The following ZC3H3 variants were observed in gnomAD, a reference collection of about 807,000 sequenced individuals.
ZC3H3 encodes zinc finger CCCH domain-containing protein 3.
Under a neutral mutation model 77.3 loss-of-function variants are expected in ZC3H3, and 36 were observed. The ratio of observed to expected loss-of-function variants is 0.47; its 90% CI spans 0.36 to 0.61. The LOEUF (loss-of-function observed/expected upper bound fraction) is 0.61, where lower values mean the gene tolerates loss of function less well. Among genes scored for constraint, ZC3H3 ranks in the 20% least tolerant of loss-of-function variants. The pLI, the probability that ZC3H3 is intolerant of heterozygous loss-of-function variation, is 0.00. For missense variants in ZC3H3, 1,331 were observed against 1,312.2 expected (o/e 1.01, Z -0.22); for synonymous variants, 626 against 555.2 (o/e 1.13, Z -1.79).
At position 143,536,385 on chromosome 8, in the gene ZC3H3, C is replaced by T. The variant is rs745783254; in HGVS notation, c.1433G>A (p.Arg478Gln). Residue 478 changes from arginine (R) to glutamine (Q), a missense_variant, in exon 3 of 12, where the codon CGG becomes CAG. Physicochemically the swap from Arg to Gln is conservative, Grantham distance 43 (BLOSUM62 1). Coordinates refer to ENST00000262577, the MANE Select transcript of ZC3H3 (RefSeq NM_015117.3). ...ATAKSHLSLR[R>Q]RQALRGKSSP... ...GCTCTTCCCCCTGAGGGCCTGTCTC[C>T]GCCGGAGGCTGAGGTGGCTCTTGGC... 1.0e-5 allele frequency: 16 copies of T among 1,583,942 alleles called. No individual in the cohort carries two copies. Among genetic ancestry groups the T allele is most frequent in the African/African-American group, 2.7e-5 (2 of 74,348 alleles).
chr8:143,476,121 C>T (rs1020980666), intron 4 of ZC3H3, among the ~76,000 whole-genome samples: 1 of 152,144 alleles, frequency 6.6e-6, no homozygotes, highest in Non-Finnish European at 1.5e-5. Flanking sequence ...TTCTACCAAC[C>T]GGCCCCAGCA....
At chr8:143,472,510 G>A (rs372814597) in intron 5 of ZC3H3, among the ~76,000 whole-genome samples, 13 of 152,150 alleles carry the variant, frequency 8.5e-5, no homozygotes, top group African/African-American at 2.4e-4. Flanking sequence ...ACTGCTGAGC[G>A]GGCCAGGGCT....
chr8:143,439,010 C>T (rs1819655307), intron 11 of ZC3H3, among the ~76,000 whole-genome samples: 1 of 152,186 alleles, frequency 6.6e-6, no homozygotes, highest in Admixed American at 6.5e-5. Context: ...GAGGTTTCTG[C>T]AGCCTTTCCC....
chr8:143,526,799 G>A (rs968514477), intron 3 of ZC3H3, among the ~76,000 whole-genome samples: 1 of 152,132 alleles, frequency 6.6e-6, no homozygotes, highest in Non-Finnish European at 1.5e-5. Context: ...CTGGAAAGCC[G>A]CCTCAGTGCC....
intron 4 of ZC3H3, among the ~76,000 whole-genome samples, chr8:143,500,976 CCT>C (rs1491132524): frequency 1.3e-4 from 16 of 126,530 alleles, no homozygotes; most frequent in African/African-American, 4.2e-4. Flanking sequence ...CCATGCCCGA[CCT>C]TTTTTTTTTT....
chr8:143,534,766 C>T (rs1266353642), intron 3 of ZC3H3, among the ~76,000 whole-genome samples: 3 of 152,184 alleles, frequency 2.0e-5, no homozygotes, highest in Admixed American at 6.5e-5. Context: ...CACCAGGGAC[C>T]GCATGGGTCT....
In ZC3H3 at chr8:143,539,087, G is replaced by A. The variant is rs202238111; in HGVS notation, c.280C>T (p.Pro94Ser). Reference protein sequence around the residue: ...SDPPADHAVRPLHGARGGQPP... With the variant: ...SDPPADHAVRSLHGARGGQPP... ...TGGCCCCCCCGGGCCCCGTGCAACG[G>A]CCGCACAGCATGGTCGGCAGGAGGG... The change falls in exon 2 of 12, where the codon CCG becomes TCG. Residue 94 changes from proline (P) to serine (S), a missense_variant. This residue lies in a region of ZC3H3 where 978 missense variants were observed against 915.5 expected (regional missense o/e 1.07). Transcript: ENST00000262577. 4 of 1,612,980 alleles carry A rather than the reference G, an allele frequency of 2.5e-6. No individual in the cohort carries two copies. In the East Asian group the frequency reaches 6.7e-5, roughly 27 times the overall value.
intron 3 of ZC3H3, among the ~76,000 whole-genome samples, chr8:143,526,856 G>A (rs187703690): frequency 1.8e-3 from 270 of 152,334 alleles, no homozygotes; most frequent in Admixed American, 4.4e-3. Flanking sequence ...GCCAGCTGAG[G>A]CTGGCAGAGC....
chr8:143,453,122 C>G (rs1356519248), intron 9 of ZC3H3, among the ~76,000 whole-genome samples: 1 of 152,194 alleles, frequency 6.6e-6, no homozygotes, highest in Non-Finnish European at 1.5e-5. Context: ...CAGGGTCTCA[C>G]TCTCTTGCCT....
At chr8:143,523,655 A>C (rs1400135762) in intron 3 of ZC3H3, among the ~76,000 whole-genome samples, 2 of 152,198 alleles carry the variant, frequency 1.3e-5, no homozygotes, top group Non-Finnish European at 2.9e-5. Flanking sequence ...CCTCTGCTGC[A>C]TTCTAGGGAA....
At chr8:143,512,821 C>G (rs552255994) in intron 3 of ZC3H3, among the ~76,000 whole-genome samples, 3 of 152,210 alleles carry the variant, frequency 2.0e-5, no homozygotes, top group Admixed American at 6.5e-5. Flanking sequence ...AGAGTTCCCA[C>G]GATTAATCGC....
chr8:143,442,878 A>G (rs908809481), intron 9 of ZC3H3, among the ~76,000 whole-genome samples: 5 of 152,238 alleles, frequency 3.3e-5, no homozygotes, highest in African/African-American at 1.2e-4. Context: ...AAAGGTGGCT[A>G]CTAGAAAAGC....
Position 143,538,128 on chromosome 8 carries a change from C to T in ZC3H3, c.1239G>A (p.Arg413=). 6.2e-7 allele frequency: 1 copy of T among 1,613,166 alleles called. No individual in the cohort carries two copies. Among genetic ancestry groups the T allele is most frequent in the African/African-American group, 1.3e-5 (1 of 75,062 alleles). ...CTGCTGGTCTGTCCCCCGACGGGGACCTAGACAGGACTGGGGAGAGCTGGG... is the reference window on the plus strand; with the variant it reads ...CTGCTGGTCTGTCCCCCGACGGGGATCTAGACAGGACTGGGGAGAGCTGGG... ...HASQLSPVLS[R]SPSGDRPAVG... is the part of the protein sequence containing the mutation. The change falls in exon 2 of 12, where the codon AGG becomes AGA. Residue 413 remains arginine (R), a synonymous_variant. Coordinates refer to ENST00000262577, the MANE Select transcript of ZC3H3 (RefSeq NM_015117.3).
At chr8:143,464,602 G>A (rs1820357698) in intron 9 of ZC3H3, among the ~76,000 whole-genome samples, 1 of 152,200 alleles carries the variant, frequency 6.6e-6, no homozygotes, top group South Asian at 2.1e-4. Flanking sequence ...GCAAGGGAGG[G>A]GCAGGAGAGC....
chr8:143,503,932 T>C (rs1821609711), intron 4 of ZC3H3, among the ~76,000 whole-genome samples: 1 of 152,150 alleles, frequency 6.6e-6, no homozygotes, highest in Non-Finnish European at 1.5e-5. Flanking sequence ...GCCTTCCACA[T>C]GGGCCCAACA....
chr8:143,540,216 GCT>G (rs760082044), intron 1 of ZC3H3, among the ~76,000 whole-genome samples: 1 of 139,932 alleles, frequency 7.1e-6, no homozygotes, highest in East Asian at 1.9e-4. Flanking sequence ...AATTTTTAAA[GCT>G]TTTTTTTGTT....
rs983346266 is a variant in ZC3H3 at position 143,533,493 on chromosome 8, T to C, written c.1561+2764A>G. ...TCCAGTGGCTGCCTGTCTCCACCAC[T>C]GGAAGGCGGCTCCAGCCTCATCATC... On this transcript the variant is annotated intron_variant, in intron 3 of 11. Transcript: ENST00000262577. The surrounding 1 kb of genome is among the most constrained non-coding windows in gnomAD (Gnocchi z 4.0). Among the ~76,000 whole-genome samples, 6 of 152,276 alleles carry C rather than the reference T, an allele frequency of 3.9e-5. No individual in the cohort carries two copies. The highest frequency in any genetic ancestry group is 1.4e-4 in the African/African-American group (6 of 41,564).
At chr8:143,507,991 C>A in intron 3 of ZC3H3, 92 bp from the exon 4 acceptor site, 1 of 1,374,680 alleles carries the variant, frequency 7.3e-7, no homozygotes, top group Non-Finnish European at 9.6e-7. Context: ...CTCTGCCCAC[C>A]GCCTCCGCCG....
chr8:143,452,822 T>C (rs967412765), intron 9 of ZC3H3, among the ~76,000 whole-genome samples: 51 of 152,180 alleles, frequency 3.4e-4, no homozygotes, highest in African/African-American at 1.2e-3. Context: ...CTTCGGGACC[T>C]TGGGACCACA....
Sources: gnomAD v4.1 joint callset for allele counts (sites outside exome capture counted in the v4.1 genomes callset) on GRCh38, gnomAD v4.1.1 for gene constraint, gnomAD v4.1.1 regional missense constraint, Gnocchi (gnomAD v3.1) non-coding constraint, MANE v1.5 for transcripts, NCBI Gene and HGNC (gene_info 2026-07-23, HGNC 2026-07-21) for gene names.